KRAS: variants seen among roughly 807,000 people sequenced by gnomAD.
The protein encoded by KRAS is KRas proto-oncogene, GTPase.
In KRAS, 1 loss-of-function variant was observed where a neutral mutation model predicts 21.0. That is an observed-to-expected ratio of 0.05 (90% CI 0.02 to 0.23). KRAS has a LOEUF of 0.23. KRAS is among the 10% of genes least tolerant of loss of function. The probability of loss-of-function intolerance (pLI) is 1.00; values close to 1 mark genes in which losing one functional copy is unlikely to be tolerated. For missense variants in KRAS, 107 were observed against 221.8 expected (o/e 0.48, Z 3.29); for synonymous variants, 67 against 72.5 (o/e 0.92, Z 0.39).
In KRAS at chr12:25,207,152, G is replaced by C. The variant is rs1951147355; in HGVS notation, c.*2643C>G. 2 of 211,208 alleles carry C rather than the reference G, an allele frequency of 9.5e-6. No homozygotes were observed. The highest frequency in any genetic ancestry group is 1.9e-5 in the Non-Finnish European group (2 of 104,224). The allele number at this position is 211,208 out of a possible 1,614,324, so 13.1% of individuals were successfully genotyped here. A position where few individuals can be genotyped will look rare whatever the true frequency, so the allele number is the denominator to read the frequency against. Reference sequence around the variant, plus strand: ...TACAGACCACACTAGCACTACCTAAGGACCGGGATTATGTCTCTTGTTTGG... The same window carrying C: ...TACAGACCACACTAGCACTACCTAACGACCGGGATTATGTCTCTTGTTTGG... On this transcript the variant is annotated 3_prime_UTR_variant, in exon 5 of 5. Transcript: ENST00000311936.
At position 25,206,869 on chromosome 12, in the gene KRAS, A is replaced by G. The variant is rs1268744713; in HGVS notation, c.*2926T>C. The G allele has an allele frequency of 5.0e-6, 1 of 200,458 alleles. No homozygotes were observed. Among genetic ancestry groups the G allele is most frequent in the Non-Finnish European group, 1.0e-5 (1 of 97,326 alleles). 12.4% of individuals were successfully genotyped at this position (200,458 alleles called of 1,614,324 possible). On this transcript the variant is annotated 3_prime_UTR_variant, in exon 5 of 5. Coordinates refer to ENST00000311936, the MANE Select transcript of KRAS (RefSeq NM_004985.5). Reference sequence around the variant, plus strand: ...ATATTACACATTTGGGTCAATATGAATATCTGACATACACCTTAATGTGTA... The same window carrying G: ...ATATTACACATTTGGGTCAATATGAGTATCTGACATACACCTTAATGTGTA...
At position 25,237,353 on chromosome 12, in the gene KRAS, C is replaced by G. The variant is rs192169464; in HGVS notation, c.111+7921G>C. ...TTGTGAATATACTAAAAACCATGTA[C>G]ACTTGAAAAGTGTAAATTGTATGCT... On this transcript the variant is annotated intron_variant, in intron 2 of 4. Coordinates refer to ENST00000311936, the MANE Select transcript of KRAS (RefSeq NM_004985.5). Among the ~76,000 whole-genome samples the G allele has an allele frequency of 2.0e-5, 3 of 152,110 alleles. No individual in the cohort carries two copies. In the South Asian group the frequency reaches 6.2e-4, roughly 32 times the overall value.
chr12:25,248,027 T>TC (rs1951706871), intron 1 of KRAS, among the ~76,000 whole-genome samples: 1 of 152,018 alleles, frequency 6.6e-6, no homozygotes, highest in African/African-American at 2.4e-5. Flanking sequence ...TTTTTAATCC[T>TC]GGATTTTTTT....
chr12:25,238,561 C>T (rs771481645), intron 2 of KRAS, among the ~76,000 whole-genome samples: 10 of 152,062 alleles, frequency 6.6e-5, no homozygotes, highest in Non-Finnish European at 1.0e-4. Context: ...CTCTCCAAAA[C>T]GAGTATTTAC....
chr12:25,244,195 T>G (rs1248800823), intron 2 of KRAS, among the ~76,000 whole-genome samples: 1 of 152,190 alleles, frequency 6.6e-6, no homozygotes, highest in Non-Finnish European at 1.5e-5. Context: ...CTGTTCTAGA[T>G]TTCACAGCTT....
Position 25,205,275 on chromosome 12 carries a change from A to G in KRAS, c.*4520T>C, listed in dbSNP as rs1951122810. 1 of 215,050 alleles carries G rather than the reference A, an allele frequency of 4.7e-6. No individual in the cohort carries two copies. Among genetic ancestry groups the G allele is most frequent in the South Asian group, 1.9e-4 (1 of 5,364 alleles). The allele number at this position is 215,050 out of a possible 1,614,324, so 13.3% of individuals were successfully genotyped here. A position where few individuals can be genotyped will look rare whatever the true frequency, so the allele number is the denominator to read the frequency against. On this transcript the variant is annotated 3_prime_UTR_variant, in exon 5 of 5. Coordinates refer to ENST00000311936, the MANE Select transcript of KRAS (RefSeq NM_004985.5). ...CTGTAACTATTTTTATTACATTACA[A>G]TAATTAGGAGTAGTACAGTTCATGA...
Position 25,208,180 on chromosome 12 carries a change from C to T in KRAS, c.*1615G>A. The T allele has an allele frequency of 4.6e-6, 1 of 215,098 alleles. No homozygotes were observed. Among genetic ancestry groups the T allele is most frequent in the Non-Finnish European group, 9.2e-6 (1 of 109,140 alleles). 13.3% of individuals were successfully genotyped at this position (215,098 alleles called of 1,614,324 possible). A position where few individuals can be genotyped will look rare whatever the true frequency, so the allele number is the denominator to read the frequency against. ...ATTACATAGTTGTAAAAAAAAAAAA[C>T]TAAGAGTTTGAGATGACTTCTTTTA... On this transcript the variant is annotated 3_prime_UTR_variant, in exon 5 of 5. Coordinates refer to ENST00000311936, the MANE Select transcript of KRAS (RefSeq NM_004985.5).
chr12:25,210,818 G>A (rs915372481), intron 4 of KRAS: 21 of 152,090 alleles, frequency 1.4e-4, no homozygotes, highest in African/African-American at 5.1e-4. Context: ...GGCTAAAAGC[G>A]ATTTTAAGCC....
intron 4 of KRAS, among the ~76,000 whole-genome samples, chr12:25,222,284 T>G (rs369979175): frequency 6.6e-6 from 1 of 152,240 alleles, no homozygotes; most frequent in South Asian, 2.1e-4. Flanking sequence ...GATGTAAAAT[T>G]TATTAAAATT....
chr12:25,229,857 C>T (rs1951442931), intron 2 of KRAS, among the ~76,000 whole-genome samples: 2 of 151,462 alleles, frequency 1.3e-5, no homozygotes, highest in South Asian at 4.2e-4. Flanking sequence ...CAACCTCTGC[C>T]TCCTGGGCTC....
Position 25,206,968 on chromosome 12 carries a change from A to G in KRAS, c.*2827T>C, listed in dbSNP as rs1299643595. The G allele has an allele frequency of 4.9e-6, 1 of 205,618 alleles. No homozygotes were observed. The highest frequency in any genetic ancestry group is 9.9e-6 in the Non-Finnish European group (1 of 100,598). The allele number at this position is 205,618 out of a possible 1,614,324, so 12.7% of individuals were successfully genotyped here. On this transcript the variant is annotated 3_prime_UTR_variant, in exon 5 of 5. Transcript: ENST00000311936. Reference sequence around the variant, plus strand: ...ATAATCAAGTTTATTCCTTTAAAACAATGAAGTGATTTACATAAAGTAGCT... The same window carrying G: ...ATAATCAAGTTTATTCCTTTAAAACGATGAAGTGATTTACATAAAGTAGCT...
At position 25,245,502 on chromosome 12, in the gene KRAS, A is replaced by G. The variant is rs1592823418; in HGVS notation, c.-11-107T>C. The G allele has an allele frequency of 3.5e-6, 4 of 1,134,892 alleles. No homozygotes were observed. The East Asian group carries it at 1.0e-4, about 29-fold the overall frequency. 70.3% of individuals were successfully genotyped at this position (1,134,892 alleles called of 1,614,324 possible). ...TACCTTTTAATACAAACTCACCTTT[A>G]TATGAAAAATTATTTCAAAATACCT... On this transcript the variant is annotated intron_variant, in intron 1 of 4. Transcript: ENST00000311936.
At chr12:25,250,322 G>A (rs2135813817) in intron 1 of KRAS, among the ~76,000 whole-genome samples, 1 of 152,184 alleles carries the variant, frequency 6.6e-6, no homozygotes, top group Non-Finnish European at 1.5e-5. Context: ...TGGAAAGGGA[G>A]GCAAGAGGTG....
rs372139658 is a variant in KRAS at position 25,233,788 on chromosome 12, G to C, written c.112-6376C>G. On this transcript the variant is annotated intron_variant, in intron 2 of 4. Coordinates refer to ENST00000311936, the MANE Select transcript of KRAS (RefSeq NM_004985.5). ...CAGTCTTGAACGCTATAGGTAATTA[G>C]TACTGCCTCTTAAATAAGTGAATGA... is the stretch of plus-strand genomic sequence containing the variant. 755 of 206,136 alleles carry C rather than the reference G, an allele frequency of 3.7e-3. 3 individuals carry two copies. The highest frequency in any genetic ancestry group is 0.015 in the South Asian group (80 of 5,304). 12.8% of individuals were successfully genotyped at this position (206,136 alleles called of 1,614,324 possible).
chr12:25,222,588 T>C (rs7967120), intron 4 of KRAS, among the ~76,000 whole-genome samples: 6,323 of 152,290 alleles, frequency 0.042, 433 homozygotes, highest in African/African-American at 0.14. Context: ...TCTTTCATAC[T>C]GTATCCCTCC....
chr12:25,224,430 G>C (rs1951365357), intron 4 of KRAS, among the ~76,000 whole-genome samples: 1 of 151,232 alleles, frequency 6.6e-6, no homozygotes, highest in Non-Finnish European at 1.5e-5. Flanking sequence ...AGTTTAATAA[G>C]TAAAAACAAA....
chr12:25,243,381 T>C (rs1951635893), intron 2 of KRAS, among the ~76,000 whole-genome samples: 1 of 152,188 alleles, frequency 6.6e-6, no homozygotes, highest in South Asian at 2.1e-4. Context: ...TAACCAATGC[T>C]TCCCAGAGTC....
At chr12:25,229,418 GA>G (rs1203332340) in intron 2 of KRAS, among the ~76,000 whole-genome samples, 1 of 152,190 alleles carries the variant, frequency 6.6e-6, no homozygotes, top group Non-Finnish European at 1.5e-5. Flanking sequence ...CAGCCAGATG[GA>G]TATCTCTAAA....
intron 4 of KRAS, chr12:25,215,471 A>G: frequency 6.2e-7 from 1 of 1,611,992 alleles, no homozygotes. Context: ...TAATTTTCAC[A>G]CAGCCAGGAG....
Sources: gnomAD v4.1 joint callset for allele counts (sites outside exome capture counted in the v4.1 genomes callset) on GRCh38, gnomAD v4.1.1 for gene constraint, MANE v1.5 for transcripts, NCBI Gene and HGNC (gene_info 2026-07-23, HGNC 2026-07-21) for gene names.